Variants in DLGAP2 observed in about 807,000 individuals in gnomAD.
The protein encoded by DLGAP2 is DLG associated protein 2.
A neutral mutation model predicts 100.3 loss-of-function variants in DLGAP2; 26 were observed. The ratio of observed to expected loss-of-function variants is 0.26; its 90% confidence interval spans 0.19 to 0.36. The LOEUF is 0.36. Among genes scored for constraint, DLGAP2 ranks in the 10% least tolerant of loss-of-function variants. The pLI is 1.00. For synonymous variants in DLGAP2, 886 were observed against 630.1 expected (o/e 1.41, Z -6.08); for missense variants, 1,858 against 1,453.2 (o/e 1.28, Z -4.53).
intron 3 of DLGAP2, among the ~76,000 whole-genome samples, chr8:1,273,998 T>C (rs1220802228): frequency 6.6e-6 from 1 of 152,174 alleles, no homozygotes; most frequent in Non-Finnish European, 1.5e-5. Context: ...TCAGTAACCA[T>C]TTTTCATATA....
chr8:791,696 C>A (rs185282107), intron 1 of DLGAP2, among the ~76,000 whole-genome samples: 1 of 152,222 alleles, frequency 6.6e-6, no homozygotes, highest in Admixed American at 6.5e-5. Flanking sequence ...TTTAAAATTC[C>A]TTTAAAAAAC....
chr8:1,049,946 G>GCA (rs750398377), intron 2 of DLGAP2, among the ~76,000 whole-genome samples: 1 of 152,186 alleles, frequency 6.6e-6, no homozygotes, highest in Non-Finnish European at 1.5e-5. Flanking sequence ...GTGGATATAT[G>GCA]CACACACATG....
chr8:1,358,258 A>G (rs1278620111), intron 3 of DLGAP2, among the ~76,000 whole-genome samples: 2 of 152,206 alleles, frequency 1.3e-5, no homozygotes, highest in Admixed American at 6.5e-5. Context: ...TGAGAATCTA[A>G]GTAATTTCAC....
intron 2 of DLGAP2, among the ~76,000 whole-genome samples, chr8:1,054,008 G>A (rs1212117762): frequency 6.6e-6 from 1 of 152,108 alleles, no homozygotes; most frequent in Non-Finnish European, 1.5e-5. Flanking sequence ...CAACAAATGT[G>A]TTACACCGGC....
intron 3 of DLGAP2, among the ~76,000 whole-genome samples, chr8:1,421,704 G>A (rs1486012386): frequency 6.6e-6 from 1 of 152,170 alleles, no homozygotes; most frequent in Non-Finnish European, 1.5e-5. Flanking sequence ...AGTGGCTCAC[G>A]CCTGTAATCC....
intron 1 of DLGAP2, among the ~76,000 whole-genome samples, chr8:862,378 C>T (rs1285963589): frequency 5.9e-5 from 9 of 151,648 alleles, no homozygotes; most frequent in African/African-American, 2.2e-4. Context: ...TCTCAGCTCA[C>T]TGCGGCCTCC....
At chr8:1,209,544 C>G (rs992338689) in intron 2 of DLGAP2, among the ~76,000 whole-genome samples, 9 of 152,112 alleles carry the variant, frequency 5.9e-5, no homozygotes, top group African/African-American at 1.9e-4. Flanking sequence ...TAATCCGTTT[C>G]TATACTACTC....
intron 2 of DLGAP2, among the ~76,000 whole-genome samples, chr8:1,141,467 G>T (rs545690909): frequency 2.4e-4 from 36 of 152,290 alleles, no homozygotes; most frequent in African/African-American, 8.2e-4. Flanking sequence ...ATGGTTAGAA[G>T]AGAGCCTATA....
chr8:857,319 T>A (rs1797297430), intron 1 of DLGAP2, among the ~76,000 whole-genome samples: 1 of 152,166 alleles, frequency 6.6e-6, no homozygotes, highest in Non-Finnish European at 1.5e-5. Context: ...GCATGATGCA[T>A]GAGAAAAATT....
At chr8:1,388,062 T>C (rs1456541788) in intron 3 of DLGAP2, among the ~76,000 whole-genome samples, 1 of 152,186 alleles carries the variant, frequency 6.6e-6, no homozygotes, top group Non-Finnish European at 1.5e-5. Flanking sequence ...CTGGGGCTAG[T>C]GTCAGCGTCT....
intron 2 of DLGAP2, among the ~76,000 whole-genome samples, chr8:1,043,158 G>A (rs1802411183): frequency 7.2e-6 from 1 of 138,648 alleles, no homozygotes; most frequent in African/African-American, 2.7e-5. Context: ...GGTGTGGGTG[G>A]TGGACGTGGG....
chr8:1,560,021 C>T (rs1049194578), intron 5 of DLGAP2, among the ~76,000 whole-genome samples: 3 of 152,200 alleles, frequency 2.0e-5, no homozygotes, highest in African/African-American at 7.2e-5. Context: ...ATTTCATGTC[C>T]ATCTCCTGTA....
chr8:895,298 T>C (rs563493303), intron 1 of DLGAP2, among the ~76,000 whole-genome samples: 134 of 152,266 alleles, frequency 8.8e-4, no homozygotes, highest in Non-Finnish European at 1.6e-3. Context: ...ACAGTCATTA[T>C]ATGTCAACTA....
chr8:1,524,202 C>T (rs1211251567), intron 4 of DLGAP2, among the ~76,000 whole-genome samples: 2 of 152,138 alleles, frequency 1.3e-5, no homozygotes, highest in Non-Finnish European at 1.5e-5. Context: ...GGGTCAGCCT[C>T]ATGTTCCCAG....
intron 2 of DLGAP2, among the ~76,000 whole-genome samples, chr8:1,188,663 C>A (rs1261814973): frequency 1.3e-5 from 2 of 152,142 alleles, no homozygotes; most frequent in Non-Finnish European, 2.9e-5. Flanking sequence ...CTCATCCGCC[C>A]AGCACTCCGG....
chr8:941,184 A>G (rs1441439979), intron 2 of DLGAP2, among the ~76,000 whole-genome samples: 2 of 152,030 alleles, frequency 1.3e-5, no homozygotes, highest in African/African-American at 4.8e-5. Context: ...GTGGGGTGGA[A>G]CTGGTCACCT....
intron 1 of DLGAP2, among the ~76,000 whole-genome samples, chr8:765,718 C>T (rs1477640070): frequency 1.3e-5 from 2 of 152,200 alleles, no homozygotes; most frequent in African/African-American, 2.4e-5. Flanking sequence ...GGTGCCTTCA[C>T]CTCGTTGCTC....
chr8:1,535,216 G>A (rs1801118171), intron 4 of DLGAP2, among the ~76,000 whole-genome samples: 2 of 152,214 alleles, frequency 1.3e-5, no homozygotes, highest in Admixed American at 6.5e-5. Context: ...AGAGGGCTGG[G>A]CTGTAGCCCT....
At chr8:1,514,001 T>C (rs561308859) in intron 4 of DLGAP2, among the ~76,000 whole-genome samples, 1 of 152,336 alleles carries the variant, frequency 6.6e-6, no homozygotes, top group South Asian at 2.1e-4. Context: ...TCCCCTCCCC[T>C]TCCCGGGTTA....
Sources: allele counts gnomAD v4.1 joint callset (sites outside exome capture counted in the v4.1 genomes callset), GRCh38; gene constraint gnomAD v4.1.1; transcripts MANE v1.5; gene names NCBI Gene and HGNC (gene_info 2026-07-23, HGNC 2026-07-21).